AGTRAP: variants seen among roughly 807,000 people sequenced by gnomAD.
AGTRAP encodes type-1 angiotensin II receptor-associated protein.
Under a neutral mutation model 15.2 loss-of-function variants are expected in AGTRAP, and 7 were observed. That is an observed-to-expected ratio of 0.46 (90% CI 0.26 to 0.87). The LOEUF (loss-of-function observed/expected upper bound fraction) is 0.87, where lower values mean the gene tolerates loss of function less well. Ranked by LOEUF, AGTRAP falls within the 40% of genes least tolerant of loss-of-function variation. The pLI is 0.15. For missense variants in AGTRAP, 187 were observed against 213.4 expected, an observed-to-expected ratio of 0.88 and a Z score of 0.77; for synonymous variants, 74 against 89.6, an observed-to-expected ratio of 0.83 and a Z score of 0.98.
chr1:11,738,017 A>T (rs1641942465), intron 1 of AGTRAP, among the ~76,000 whole-genome samples: 2 of 152,216 alleles, frequency 1.3e-5, no homozygotes, highest in Non-Finnish European at 2.9e-5. Context: ...CTCAGGCAAT[A>T]TGTGGGACAT....
Position 11,746,133 on chromosome 1 carries a change from G to T in AGTRAP, c.62+296G>T. On this transcript the variant is annotated intron_variant, in intron 2 of 4. Coordinates refer to ENST00000314340, the MANE Select transcript of AGTRAP (RefSeq NM_020350.5). Reference sequence around the variant, plus strand: ...TCTCTTTTAATCTGTTGAGCTTCTGGAGACATTTCTCTGCCAAACCAAGAC... The same window carrying T: ...TCTCTTTTAATCTGTTGAGCTTCTGTAGACATTTCTCTGCCAAACCAAGAC... 1 of 1,613,560 alleles carries T rather than the reference G, an allele frequency of 6.2e-7. No individual in the cohort carries two copies. The highest frequency in any genetic ancestry group is 8.5e-7 in the Non-Finnish European group (1 of 1,179,790).
rs1557705546 is a variant in AGTRAP at position 11,748,401 on chromosome 1, G to A, written c.169-14G>A. The stretch of plus-strand genomic sequence containing the variant: ...GTGGGGGTGTTGTGCTCATCAGTGT[G>A]GTGTGTCTTGCAGTTTCTGGGTGGC... On this transcript the variant is annotated splice_polypyrimidine_tract_variant and intron_variant, in intron 3 of 4. Transcript: ENST00000314340. The A allele has an allele frequency of 6.2e-7, 1 of 1,611,608 alleles. No individual in the cohort carries two copies. The highest frequency in any genetic ancestry group is 1.7e-5 in the Admixed American group (1 of 59,994).
chr1:11,736,880 T>C (rs17875910), intron 1 of AGTRAP, among the ~76,000 whole-genome samples: 3,802 of 94,520 alleles, frequency 0.04, 69 homozygotes, highest in Admixed American at 0.1. Context: ...AGTCCGGGTC[T>C]GGGTGCCAGC....
At chr1:11,738,605 A>T (rs115431296) in intron 1 of AGTRAP, among the ~76,000 whole-genome samples, 5 of 152,270 alleles carry the variant, frequency 3.3e-5, no homozygotes, top group Non-Finnish European at 7.3e-5. Flanking sequence ...GTACCACTGG[A>T]TCCACACAAC....
At chr1:11,747,577 G>T (rs760025737) in intron 3 of AGTRAP, 32 bp downstream of exon 3, 2 of 1,604,738 alleles carry the variant, frequency 1.2e-6, no homozygotes, top group Non-Finnish European at 1.7e-6. Flanking sequence ...GCGGCAAGGC[G>T]GGGAGCCGCA....
chr1:11,737,277 A>AG (rs1641923367), intron 1 of AGTRAP, among the ~76,000 whole-genome samples: 1 of 152,220 alleles, frequency 6.6e-6, no homozygotes, highest in Non-Finnish European at 1.5e-5. Context: ...ACATGGCTGG[A>AG]GCAAGGGAAT....
intron 1 of AGTRAP, among the ~76,000 whole-genome samples, chr1:11,739,102 C>T (rs576528907): frequency 4.3e-4 from 66 of 152,264 alleles, no homozygotes; most frequent in African/African-American, 1.6e-3. Flanking sequence ...GGCAGGTCTG[C>T]ATTCAAGGTC....
At position 11,745,963 on chromosome 1, in the gene AGTRAP, G is replaced by T; in HGVS notation, c.62+126G>T. 7.1e-7 allele frequency: 1 copy of T among 1,402,412 alleles called. No homozygotes were observed. Among genetic ancestry groups the T allele is most frequent in the East Asian group, 2.3e-5 (1 of 43,726 alleles). The allele number at this position is 1,402,412 out of a possible 1,614,324, so 86.9% of individuals were successfully genotyped here. A position where few individuals can be genotyped will look rare whatever the true frequency, so the allele number is the denominator to read the frequency against. On this transcript the variant is annotated intron_variant, in intron 2 of 4. Coordinates refer to ENST00000314340, the MANE Select transcript of AGTRAP (RefSeq NM_020350.5). This position sits in a 1 kb window ranked among gnomAD's most constrained non-coding sequence, Gnocchi z 4.2. ...GGGCCAGACAGCTCTGCCTCTCCGG[G>T]TCTTGATTTCCGTCTGTACAATAGG... is the stretch of plus-strand genomic sequence containing the variant.
At chr1:11,747,333 G>A (rs756680364) in intron 2 of AGTRAP, 107 bp from the exon 3 acceptor site, 16 of 1,040,316 alleles carry the variant, frequency 1.5e-5, no homozygotes, top group Middle Eastern at 4.1e-4. Flanking sequence ...GGGTGGCCTC[G>A]AAGACTATGG....
intron 1 of AGTRAP, among the ~76,000 whole-genome samples, chr1:11,742,939 T>C (rs1248130855): frequency 6.6e-6 from 1 of 152,234 alleles, no homozygotes; most frequent in East Asian, 1.9e-4. Context: ...ACACTGCCTC[T>C]GCCCCAGGCA....
intron 1 of AGTRAP, among the ~76,000 whole-genome samples, chr1:11,742,645 C>T (rs1642060673): frequency 6.6e-6 from 1 of 152,178 alleles, no homozygotes; most frequent in African/African-American, 2.4e-5. Flanking sequence ...ATTCTCCCAC[C>T]TCAGCCTCCC....
chr1:11,745,865 G>C lies in AGTRAP; in HGVS notation c.62+28G>C. 1 of 1,613,806 alleles carries C rather than the reference G, an allele frequency of 6.2e-7. No homozygotes were observed. Among genetic ancestry groups the C allele is most frequent in the Non-Finnish European group, 8.5e-7 (1 of 1,179,694 alleles). The stretch of plus-strand genomic sequence containing the variant: ...AAGTGACTCTGTGGGTATCTTGTGT[G>C]TCTCCTGCGGTCTCAGGGTCTGTGT... On this transcript the variant is annotated intron_variant, in intron 2 of 4. Coordinates refer to ENST00000314340, the MANE Select transcript of AGTRAP (RefSeq NM_020350.5). This position sits in a 1 kb window ranked among gnomAD's most constrained non-coding sequence, Gnocchi z 4.2.
At position 11,747,484 on chromosome 1, in the gene AGTRAP, C is replaced by T. The variant is rs766005493; in HGVS notation, c.107C>T (p.Thr36Ile). Reference sequence around the variant, plus strand: ...GGCTCCTATGCCTGGGCCAACTTCACCATCCTGGCCTTGGGCGTGTGGGCT... The same window carrying T: ...GGCTCCTATGCCTGGGCCAACTTCATCATCCTGGCCTTGGGCGTGTGGGCT... ...FSGSYAWANF[T>I]ILALGVWAVA... The change falls in exon 3 of 5, where the codon ACC becomes ATC. Residue 36 changes from threonine (T) to isoleucine (I), a missense_variant. By Grantham distance (89) the Thr-to-Ile change is moderately conservative. Transcript: ENST00000314340. 1.8e-5 allele frequency: 29 copies of T among 1,614,094 alleles called. No homozygotes were observed. In the East Asian group the frequency reaches 4.9e-4, roughly 27 times the overall value.
In AGTRAP at chr1:11,749,877, C is replaced by T. The variant is rs78784029; in HGVS notation, c.365-200C>T. Reference sequence around the variant, plus strand: ...GTAAAGTGGGGACAATAAAAATACCCGTCGCACAGGGATACGGCAGGATTG... The same window carrying T: ...GTAAAGTGGGGACAATAAAAATACCTGTCGCACAGGGATACGGCAGGATTG... On this transcript the variant is annotated intron_variant, in intron 4 of 4. Coordinates refer to ENST00000314340, the MANE Select transcript of AGTRAP (RefSeq NM_020350.5). Among the ~76,000 whole-genome samples, 29 of 152,152 alleles carry T rather than the reference C, an allele frequency of 1.9e-4. No individual in the cohort carries two copies. The East Asian group carries it at 5.4e-3, about 28-fold the overall frequency.
Position 11,748,382 on chromosome 1 carries a change from G to T in AGTRAP, c.169-33G>T, listed in dbSNP as rs1242549387. The T allele has an allele frequency of 1.9e-6, 3 of 1,597,956 alleles. No individual in the cohort carries two copies. In the African/African-American group the frequency reaches 4.0e-5, roughly 21 times the overall value. On this transcript the variant is annotated intron_variant, in intron 3 of 4. Transcript: ENST00000314340. ...GGGGGAGCCACGGAGCGTGGTGGGG[G>T]TGTTGTGCTCATCAGTGTGGTGTGT...
At chr1:11,744,173 G>T (rs1305497074) in intron 1 of AGTRAP, among the ~76,000 whole-genome samples, 1 of 152,130 alleles carries the variant, frequency 6.6e-6, no homozygotes, top group East Asian at 1.9e-4. Context: ...TACTGGGGAG[G>T]CTGAAGCAGG....
At position 11,750,248 on chromosome 1, in the gene AGTRAP, G is replaced by A. The variant is rs529830956; in HGVS notation, c.*56G>A. 35 of 1,395,436 alleles carry A rather than the reference G, an allele frequency of 2.5e-5. No individual in the cohort carries two copies. The highest frequency in any genetic ancestry group is 1.8e-4 in the Middle Eastern group (1 of 5,514). 86.4% of individuals were successfully genotyped at this position (1,395,436 alleles called of 1,614,324 possible). On this transcript the variant is annotated 3_prime_UTR_variant, in exon 5 of 5. Transcript: ENST00000314340. ...GGGCCTTCCTCGTGCCTGGGAGGTC[G>A]TTCTAGGGATGCTCCTGACCTCCGT...
rs143389939 is a variant in AGTRAP at position 11,746,177 on chromosome 1, C to G, written c.62+340C>G. 1,567 of 1,613,650 alleles carry G rather than the reference C, an allele frequency of 9.7e-4. 15 individuals carry two copies. In the African/African-American group the frequency reaches 0.018, roughly 19 times the overall value. Reference sequence around the variant, plus strand: ...CCAAGACTGGAAACCATTGAGCTCACCTGTGCACTTTGCAAACTTCGAAGT... The same window carrying G: ...CCAAGACTGGAAACCATTGAGCTCAGCTGTGCACTTTGCAAACTTCGAAGT... On this transcript the variant is annotated intron_variant, in intron 2 of 4. Transcript: ENST00000314340.
intron 3 of AGTRAP, 115 bp downstream of exon 3, chr1:11,747,660 A>G: frequency 9.1e-7 from 1 of 1,101,700 alleles, no homozygotes; most frequent in Non-Finnish European, 1.3e-6. Flanking sequence ...TTGGGCCACC[A>G]CTTCCCATTG....
Sources: allele counts gnomAD v4.1 joint callset (sites outside exome capture counted in the v4.1 genomes callset), GRCh38; gene constraint gnomAD v4.1.1; non-coding constraint Gnocchi (gnomAD v3.1); transcripts MANE v1.5; gene names NCBI Gene and HGNC (gene_info 2026-07-23, HGNC 2026-07-21).